The following PKIB variants were observed in gnomAD, a reference collection of about 807,000 sequenced individuals.
The protein encoded by PKIB is PKI-beta.
In PKIB, 2 loss-of-function variants were observed where a neutral mutation model predicts 4.5. The ratio of observed to expected loss-of-function variants is 0.44; its 90% CI spans 0.18 to 1.39. The LOEUF is 1.39. Ranked by LOEUF, PKIB falls within the 40% of genes most tolerant of loss-of-function variation. The probability of loss-of-function intolerance (pLI) is 0.27; values close to 1 mark genes in which losing one functional copy is unlikely to be tolerated. For missense variants in PKIB, 94 were observed against 92.6 expected, an observed-to-expected ratio of 1.02 and a Z score of -0.06; for synonymous variants, 38 against 36.0, an observed-to-expected ratio of 1.06 and a Z score of -0.20.
chr6:122,693,803 A>G (rs1192022378), intron 3 of PKIB, among the ~76,000 whole-genome samples: 1 of 152,198 alleles, frequency 6.6e-6, no homozygotes, highest in Non-Finnish European at 1.5e-5. Flanking sequence ...CCCACAGAGA[A>G]TGTTTAGTGA....
chr6:122,638,295 T>C (rs1409315582), intron 2 of PKIB, among the ~76,000 whole-genome samples: 3 of 152,222 alleles, frequency 2.0e-5, no homozygotes, highest in Admixed American at 6.5e-5. Flanking sequence ...GCCTGTACTA[T>C]AACAATCAAC....
At position 122,558,742 on chromosome 6, in the gene PKIB, T is replaced by C. The variant is rs139909000; in HGVS notation, c.-247-27179T>C. On this transcript the variant is annotated intron_variant, in intron 2 of 6. Transcript: ENST00000392491. ...TATTTTTTTAAATTTTATTTTTTAA[T>C]CAATTGATTAATATATATTTTTTCC... is the stretch of plus-strand genomic sequence containing the variant. Among the ~76,000 whole-genome samples, 1,424 of 152,270 alleles carry C rather than the reference T, an allele frequency of 9.4e-3. 27 individuals are homozygous for C. Among genetic ancestry groups the C allele is most frequent in the African/African-American group, 0.031 (1,297 of 41,558 alleles).
chr6:122,553,481 C>CTTTTTTTTGTTT (rs1772746880), intron 2 of PKIB, among the ~76,000 whole-genome samples: 1 of 65,838 alleles, frequency 1.5e-5, no homozygotes, highest in African/African-American at 5.9e-5. Flanking sequence ...CAAATATCTT[C>CTTTTTTTTGTTT]TTTTTTTTTT....
chr6:122,658,378 G>C (rs1776855143), intron 2 of PKIB, among the ~76,000 whole-genome samples: 1 of 152,052 alleles, frequency 6.6e-6, no homozygotes, highest in Non-Finnish European at 1.5e-5. Flanking sequence ...ACAATTATTG[G>C]CTACATCTTA....
intron 4 of PKIB, among the ~76,000 whole-genome samples, chr6:122,721,108 C>G (rs1779724326): frequency 6.6e-6 from 1 of 152,148 alleles, no homozygotes; most frequent in South Asian, 2.1e-4. Flanking sequence ...CTTTTCAGTA[C>G]AAATGGAACC....
intron 2 of PKIB, among the ~76,000 whole-genome samples, chr6:122,584,187 T>C (rs1773786437): frequency 6.6e-6 from 1 of 152,006 alleles, no homozygotes; most frequent in African/African-American, 2.4e-5. Context: ...AAGGGGAGAA[T>C]GTAAAAATGG....
intron 3 of PKIB, among the ~76,000 whole-genome samples, chr6:122,603,707 G>A (rs948321823): frequency 1.3e-5 from 2 of 152,080 alleles, no homozygotes; most frequent in African/African-American, 4.8e-5. Context: ...TCTTGAACTC[G>A]TGGCCTCAAG....
intron 2 of PKIB, among the ~76,000 whole-genome samples, chr6:122,666,915 A>T (rs911382770): frequency 6.6e-6 from 1 of 151,958 alleles, no homozygotes; most frequent in Admixed American, 6.6e-5. Flanking sequence ...TTCGATTATA[A>T]CCTCAAGCTT....
At chr6:122,668,332 A>C (rs1777314579) in intron 2 of PKIB, among the ~76,000 whole-genome samples, 1 of 152,220 alleles carries the variant, frequency 6.6e-6, no homozygotes, top group South Asian at 2.1e-4. Flanking sequence ...TGGATAATGC[A>C]GTCACTATGT....
chr6:122,694,835 T>A lies in PKIB; in HGVS notation c.-9+19691T>A, dbSNP rs77305370. On this transcript the variant is annotated intron_variant, in intron 3 of 4. Transcript: ENST00000368452. ...CGAGGTGTACATAGCTGGGAGAAGG[T>A]CACAAATCTTAATTAAAGCTTTCAA... Among the ~76,000 whole-genome samples the A allele has an allele frequency of 4.8e-3, 738 of 152,304 alleles. 23 individuals carry two copies. In the East Asian group the frequency reaches 0.097, roughly 20 times the overall value.
intron 2 of PKIB, among the ~76,000 whole-genome samples, chr6:122,516,047 T>A (rs1776741270): frequency 6.6e-6 from 1 of 152,174 alleles, no homozygotes; most frequent in Non-Finnish European, 1.5e-5. Context: ...TGGCTCATAT[T>A]TGAAGTCAAT....
chr6:122,682,800 T>G (rs1269457068), intron 3 of PKIB, among the ~76,000 whole-genome samples: 1 of 152,200 alleles, frequency 6.6e-6, no homozygotes, highest in East Asian at 1.9e-4. Context: ...GGGATTGTTC[T>G]CAGCAATTTT....
intron 2 of PKIB, among the ~76,000 whole-genome samples, chr6:122,506,262 T>C (rs1468586447): frequency 6.6e-6 from 1 of 152,186 alleles, no homozygotes; most frequent in Non-Finnish European, 1.5e-5. Context: ...TTAGGTCGAA[T>C]ATTAATATTT....
chr6:122,714,068 C>T (rs1390991060), intron 3 of PKIB, among the ~76,000 whole-genome samples: 2 of 152,122 alleles, frequency 1.3e-5, no homozygotes, highest in Non-Finnish European at 2.9e-5. Context: ...CAATAAATCT[C>T]TTTGCTTTGG....
chr6:122,528,914 C>T (rs1441928787), intron 2 of PKIB, among the ~76,000 whole-genome samples: 2 of 152,042 alleles, frequency 1.3e-5, no homozygotes, highest in African/African-American at 4.8e-5. Context: ...AAAAAAGACA[C>T]AATTCTCATG....
At chr6:122,568,140 A>T (rs994398082) in intron 2 of PKIB, among the ~76,000 whole-genome samples, 1 of 152,068 alleles carries the variant, frequency 6.6e-6, no homozygotes, top group Non-Finnish European at 1.5e-5. Flanking sequence ...CATTGCATTT[A>T]TAATAAAAAA....
intron 4 of PKIB, among the ~76,000 whole-genome samples, chr6:122,722,156 C>T (rs945392774): frequency 6.6e-6 from 1 of 152,096 alleles, no homozygotes; most frequent in African/African-American, 2.4e-5. Context: ...CTTTCATTAA[C>T]ATCACAATAC....
chr6:122,611,050 G>T (rs1280173411), intron 1 of PKIB, among the ~76,000 whole-genome samples: 5 of 152,228 alleles, frequency 3.3e-5, no homozygotes, highest in Non-Finnish European at 5.9e-5. Flanking sequence ...CCATTCTTTG[G>T]ATAAAATATG....
intron 2 of PKIB, among the ~76,000 whole-genome samples, chr6:122,569,439 C>T (rs1773291931): frequency 6.6e-6 from 1 of 152,220 alleles, no homozygotes; most frequent in African/African-American, 2.4e-5. Context: ...CAGCTGTACT[C>T]ATCACCACTG....
Sources: gnomAD v4.1 joint callset for allele counts (sites outside exome capture counted in the v4.1 genomes callset) on GRCh38, gnomAD v4.1.1 for gene constraint, MANE v1.5 for transcripts, NCBI Gene and HGNC (gene_info 2026-07-23, HGNC 2026-07-21) for gene names.